The following PAX5 variants were observed in gnomAD, a reference collection of about 807,000 sequenced individuals.
The protein encoded by PAX5 is paired box 5.
In PAX5, 9 loss-of-function variants were observed where a neutral mutation model predicts 43.7. The ratio of observed to expected loss-of-function variants is 0.21; its 90% CI spans 0.12 to 0.36. PAX5 has a LOEUF of 0.36. Among genes scored for constraint, PAX5 ranks in the 10% least tolerant of loss-of-function variants. The probability of loss-of-function intolerance (pLI) is 1.00; values close to 1 mark genes in which losing one functional copy is unlikely to be tolerated. For missense variants in PAX5, 383 were observed against 532.7 expected (o/e 0.72, Z 2.77); for synonymous variants, 228 against 214.3 (o/e 1.06, Z -0.56).
intron 7 of PAX5, among the ~76,000 whole-genome samples, chr9:36,903,487 A>G (rs1828568114): frequency 6.6e-6 from 1 of 152,272 alleles, no homozygotes; most frequent in African/African-American, 2.4e-5. Context: ...AGGGCTCCCC[A>G]CAATGGACAA....
intron 7 of PAX5, among the ~76,000 whole-genome samples, chr9:36,886,104 A>G (rs1038403097): frequency 2.6e-5 from 4 of 152,146 alleles, no homozygotes; most frequent in Non-Finnish European, 5.9e-5. Flanking sequence ...GAGGGGGCAC[A>G]TGTGGAGCAG....
intron 6 of PAX5, among the ~76,000 whole-genome samples, chr9:36,924,841 G>GGAA (rs1830520410): frequency 7.3e-6 from 1 of 136,760 alleles, no homozygotes; most frequent in Non-Finnish European, 1.6e-5. Flanking sequence ...GGGAGAGAAA[G>GGAA]GGAGGGAGGG....
At chr9:36,923,552 C>A (rs1267052350) in intron 6 of PAX5, 68 bp from the exon 7 acceptor site, 3 of 1,534,584 alleles carry the variant, frequency 2.0e-6, no homozygotes, top group Middle Eastern at 3.4e-4. Context: ...GCCAACTCCA[C>A]GTTCTGAGCT....
At chr9:36,842,166 C>T (rs1822121328) in intron 9 of PAX5, among the ~76,000 whole-genome samples, 1 of 152,206 alleles carries the variant, frequency 6.6e-6, no homozygotes, top group South Asian at 2.1e-4. Flanking sequence ...CCTCTTCTGT[C>T]ACCTCCCTGG....
At chr9:36,903,896 C>T (rs976419424) in intron 7 of PAX5, among the ~76,000 whole-genome samples, 1 of 152,234 alleles carries the variant, frequency 6.6e-6, no homozygotes, top group Non-Finnish European at 1.5e-5. Context: ...CTCTGGCACA[C>T]TTCCAGGCTG....
At chr9:36,877,732 T>C (rs1826041340) in intron 8 of PAX5, among the ~76,000 whole-genome samples, 1 of 152,186 alleles carries the variant, frequency 6.6e-6, no homozygotes, top group African/African-American at 2.4e-5. Context: ...CTCAAGCGTG[T>C]TGTGGCACAT....
At chr9:36,925,146 A>G (rs1400036524) in intron 6 of PAX5, among the ~76,000 whole-genome samples, 1 of 152,144 alleles carries the variant, frequency 6.6e-6, no homozygotes, top group East Asian at 1.9e-4. Context: ...TTCCCTTCAA[A>G]TCAGAGATTA....
intron 7 of PAX5, among the ~76,000 whole-genome samples, chr9:36,886,389 G>C (rs10814466): frequency 0.8 from 121,667 of 152,144 alleles, 49,492 homozygotes; most frequent in Non-Finnish European, 0.87. Flanking sequence ...GGGGAACCCA[G>C]TCTTATGAAT....
At chr9:36,940,540 C>T (rs1447191760) in intron 6 of PAX5, among the ~76,000 whole-genome samples, 1 of 152,112 alleles carries the variant, frequency 6.6e-6, no homozygotes, top group East Asian at 1.9e-4. Flanking sequence ...CAGGAGCAGC[C>T]CTGGGACCCG....
intron 6 of PAX5, among the ~76,000 whole-genome samples, chr9:36,926,911 T>C (rs915579264): frequency 6.6e-6 from 1 of 152,068 alleles, no homozygotes; most frequent in Non-Finnish European, 1.5e-5. Flanking sequence ...GAGTCATTAA[T>C]GTATATGGGG....
intron 5 of PAX5, among the ~76,000 whole-genome samples, chr9:36,975,044 C>T (rs1291308727): frequency 6.6e-6 from 1 of 152,210 alleles, no homozygotes; most frequent in East Asian, 1.9e-4. Context: ...GCCTCCAAAT[C>T]CAAAGGCTGA....
At chr9:36,922,988 C>T (rs1830296855) in intron 7 of PAX5, 2 of 211,126 alleles carry the variant, frequency 9.5e-6, no homozygotes, top group Non-Finnish European at 1.9e-5. Flanking sequence ...TCCCATTCCT[C>T]CTTGAGGTTG....
intron 7 of PAX5, among the ~76,000 whole-genome samples, chr9:36,916,825 C>T (rs1247458367): frequency 1.3e-5 from 2 of 152,076 alleles, no homozygotes; most frequent in African/African-American, 4.8e-5. Context: ...CCTGGGACTA[C>T]AGGTGTGCAC....
rs1821556309 is a variant in PAX5 at position 36,835,204 on chromosome 9, A to G, written c.*5356T>C. On this transcript the variant is annotated 3_prime_UTR_variant, in exon 10 of 10. Transcript: ENST00000358127. ...TGGTGGCTACGTTTACCCATCTTGGAGATGAGCTAAAGGGGACCCCTTGGA... is the reference window on the plus strand; with the variant it reads ...TGGTGGCTACGTTTACCCATCTTGGGGATGAGCTAAAGGGGACCCCTTGGA... 4.3e-6 allele frequency: 1 copy of G among 233,158 alleles called. No homozygotes were observed. The highest frequency in any genetic ancestry group is 5.6e-5 in the Admixed American group (1 of 17,782). 14.4% of individuals were successfully genotyped at this position (233,158 alleles called of 1,614,324 possible).
intron 7 of PAX5, among the ~76,000 whole-genome samples, chr9:36,916,118 T>C (rs1216657374): frequency 6.6e-6 from 1 of 152,078 alleles, no homozygotes; most frequent in Non-Finnish European, 1.5e-5. Context: ...TCATTTTTGA[T>C]ATTTAAAGGT....
intron 1 of PAX5, among the ~76,000 whole-genome samples, chr9:37,027,649 C>A (rs1269833713): frequency 2.0e-5 from 3 of 152,178 alleles, no homozygotes; most frequent in Non-Finnish European, 4.4e-5. Flanking sequence ...GCTCGGCGCG[C>A]ACAGTGCGCC....
At chr9:37,027,208 G>A (rs1840476106) in intron 1 of PAX5, among the ~76,000 whole-genome samples, 1 of 152,226 alleles carries the variant, frequency 6.6e-6, no homozygotes, top group Non-Finnish European at 1.5e-5. Context: ...CGGCAGCGCG[G>A]GGTCCTGGCG....
intron 1 of PAX5, among the ~76,000 whole-genome samples, chr9:37,032,102 G>A (rs1426330774): frequency 3.3e-5 from 5 of 152,182 alleles, no homozygotes; most frequent in African/African-American, 9.7e-5. Context: ...TCAGTGAGGA[G>A]GGGGCGTGGC....
rs1841325878 is a variant in PAX5 at position 37,034,255 on chromosome 9, A to G, written c.-224T>C. 2 of 543,558 alleles carry G rather than the reference A, an allele frequency of 3.7e-6. No homozygotes were observed. Among genetic ancestry groups the G allele is most frequent in the Non-Finnish European group, 3.2e-6 (1 of 308,276 alleles). The allele number at this position is 543,558 out of a possible 1,614,324, so 33.7% of individuals were successfully genotyped here. A position where few individuals can be genotyped will look rare whatever the true frequency, so the allele number is the denominator to read the frequency against. On this transcript the variant is annotated 5_prime_UTR_variant, in exon 1 of 10. Transcript: ENST00000358127. ...AAAAAGCGTCCGAAGGCACCGTGAAATGATTAAGGAACTAAAGAGCTTCTC... is the reference window on the plus strand; with the variant it reads ...AAAAAGCGTCCGAAGGCACCGTGAAGTGATTAAGGAACTAAAGAGCTTCTC...
Sources: gnomAD v4.1 joint callset for allele counts (sites outside exome capture counted in the v4.1 genomes callset) on GRCh38, gnomAD v4.1.1 for gene constraint, MANE v1.5 for transcripts, NCBI Gene and HGNC (gene_info 2026-07-23, HGNC 2026-07-21) for gene names.